ABCA12: variants seen among roughly 807,000 people sequenced by gnomAD.
ABCA12 encodes the protein ATP binding cassette subfamily A member 12.
A neutral mutation model predicts 293.5 loss-of-function variants in ABCA12; 156 were observed. That is an observed-to-expected ratio of 0.53 (90% CI 0.47 to 0.61). The LOEUF (loss-of-function observed/expected upper bound fraction) is 0.61. Ranked by LOEUF, ABCA12 falls within the 20% of genes least tolerant of loss-of-function variation. The pLI is 0.00. For synonymous variants in ABCA12, 1,063 were observed against 1,108.0 expected (o/e 0.96, Z 0.81); for missense variants, 2,797 against 3,090.2 (o/e 0.91, Z 2.25).
chr2:215,043,161 T>G (rs773401649), intron 7 of ABCA12, among the ~76,000 whole-genome samples: 1 of 152,202 alleles, frequency 6.6e-6, no homozygotes, highest in Non-Finnish European at 1.5e-5. Context: ...ATTTCCCTGA[T>G]GATGAGTGAT....
chr2:215,103,943 C>T (rs2970961), intron 2 of ABCA12, among the ~76,000 whole-genome samples: 2,478 of 151,846 alleles, frequency 0.016, 72 homozygotes, highest in African/African-American at 0.057. Flanking sequence ...GCCGAGATTG[C>T]GCTACTGCAC....
chr2:214,956,847 C>A lies in ABCA12; in HGVS notation c.6118-69G>T, dbSNP rs2105935201. On this transcript the variant is annotated intron_variant, in intron 41 of 52. Transcript: ENST00000272895. ...TTTCAAAAAAAAAAAAATCAATAAC[C>A]CATCTAGTTTAAAACTGCAACAAGT... is the stretch of plus-strand genomic sequence containing the variant. 5.4e-6 allele frequency: 6 copies of A among 1,107,480 alleles called. No homozygotes were observed. In the East Asian group the frequency reaches 1.2e-4, roughly 22 times the overall value. 68.6% of individuals were successfully genotyped at this position (1,107,480 alleles called of 1,614,324 possible).
intron 11 of ABCA12, among the ~76,000 whole-genome samples, chr2:215,025,124 AATT>A (rs1362456311): frequency 6.6e-6 from 1 of 152,110 alleles, no homozygotes; most frequent in African/African-American, 2.4e-5. Flanking sequence ...TCAAATTAGA[AATT>A]ATTATTACGA....
intron 33 of ABCA12, among the ~76,000 whole-genome samples, chr2:214,976,925 A>G (rs10195034): frequency 1 from 152,207 of 152,344 alleles, 76,035 homozygotes; most frequent in Non-Finnish European, 1. Context: ...TAGGTGATAA[A>G]ATGATGGTAT....
rs1347398157 is a variant in ABCA12 at position 214,957,856 on chromosome 2, A to C, written c.6117+421T>G. 5.3e-5 allele frequency among the ~76,000 whole-genome samples: 8 copies of C among 152,230 alleles called. No homozygotes were observed. In the East Asian group the frequency reaches 1.5e-3, roughly 29 times the overall value. ...TCCACTATTAGTTGATTAAATTTTT[A>C]TAAGCTTGATTGTTTGGCACAATTA... On this transcript the variant is annotated intron_variant, in intron 41 of 52. Coordinates refer to ENST00000272895, the MANE Select transcript of ABCA12 (RefSeq NM_173076.3).
At chr2:215,002,596 C>T (rs1176278316) in intron 20 of ABCA12, among the ~76,000 whole-genome samples, 1 of 152,126 alleles carries the variant, frequency 6.6e-6, no homozygotes, top group Non-Finnish European at 1.5e-5. Flanking sequence ...CTAAATTTCT[C>T]ACAGAAGACA....
chr2:215,013,379 A>G (rs569468420), intron 15 of ABCA12, among the ~76,000 whole-genome samples: 1 of 152,338 alleles, frequency 6.6e-6, no homozygotes, highest in Non-Finnish European at 1.5e-5. Flanking sequence ...ATTTCTAAGG[A>G]AGTCAAAGAC....
chr2:215,010,822 C>T (rs1344774544), intron 17 of ABCA12, among the ~76,000 whole-genome samples: 3 of 152,070 alleles, frequency 2.0e-5, no homozygotes, highest in African/African-American at 7.2e-5. Flanking sequence ...GTACCAGATA[C>T]ATAAGAGCTG....
At chr2:215,046,478 A>T (rs914591115) in intron 6 of ABCA12, among the ~76,000 whole-genome samples, 7 of 147,544 alleles carry the variant, frequency 4.7e-5, no homozygotes, top group Non-Finnish European at 9.0e-5. Context: ...TATATATATA[A>T]AATATAATAT....
At chr2:215,075,141 C>T (rs1701810570) in intron 2 of ABCA12, among the ~76,000 whole-genome samples, 2 of 151,918 alleles carry the variant, frequency 1.3e-5, no homozygotes, top group South Asian at 4.2e-4. Context: ...GTGGCTAATC[C>T]TTAGCAGAAG....
intron 2 of ABCA12, among the ~76,000 whole-genome samples, chr2:215,065,160 T>A (rs750815752): frequency 4.0e-5 from 6 of 151,754 alleles, no homozygotes; most frequent in Non-Finnish European, 5.9e-5. Flanking sequence ...GAAATACACA[T>A]CTTTTCACAA....
chr2:215,100,014 CTCTT>C (rs1285820243), intron 2 of ABCA12, among the ~76,000 whole-genome samples: 1 of 115,852 alleles, frequency 8.6e-6, no homozygotes. Flanking sequence ...CTCTCTCTCT[CTCTT>C]TTTTTTTTTT....
chr2:215,116,749 C>T (rs551223685), intron 1 of ABCA12, among the ~76,000 whole-genome samples: 13 of 151,868 alleles, frequency 8.6e-5, no homozygotes, highest in South Asian at 4.2e-4. Context: ...TGTGATGAAA[C>T]GGAAAAAAGC....
intron 4 of ABCA12, among the ~76,000 whole-genome samples, chr2:215,053,212 G>A (rs1438651623): frequency 1.3e-5 from 2 of 152,040 alleles, no homozygotes; most frequent in African/African-American, 2.4e-5. Flanking sequence ...TCTGGGTTTG[G>A]AGCATTAGCT....
chr2:214,966,797 A>T lies in ABCA12; in HGVS notation c.5884+51T>A, dbSNP rs759649685. On this transcript the variant is annotated intron_variant, in intron 39 of 52. Coordinates refer to ENST00000272895, the MANE Select transcript of ABCA12 (RefSeq NM_173076.3). ...CAGGATATAAAGTGCATTTTTATAC[A>T]AAGAGTAACAGAAGTTGCAATACAG... 1.9e-6 allele frequency: 3 copies of T among 1,550,152 alleles called. No individual in the cohort carries two copies. In the South Asian group the frequency reaches 3.3e-5, roughly 17 times the overall value.
intron 2 of ABCA12, among the ~76,000 whole-genome samples, chr2:215,081,849 CAATT>C (rs1701948965): frequency 6.6e-6 from 1 of 152,028 alleles, no homozygotes; most frequent in Admixed American, 6.6e-5. Context: ...CCCTATAAAA[CAATT>C]AAGAGGATCT....
At chr2:215,083,755 A>G (rs1701988047) in intron 2 of ABCA12, among the ~76,000 whole-genome samples, 1 of 152,156 alleles carries the variant, frequency 6.6e-6, no homozygotes, top group African/African-American at 2.4e-5. Context: ...TGACATAACA[A>G]GCAGCTTTAT....
chr2:214,977,261 A>G (rs1196215768), intron 33 of ABCA12, among the ~76,000 whole-genome samples: 1 of 152,238 alleles, frequency 6.6e-6, no homozygotes, highest in African/African-American at 2.4e-5. Context: ...GAATAGTTTC[A>G]AATTATAAGA....
At chr2:215,135,066 G>A (rs529868995) in intron 1 of ABCA12, among the ~76,000 whole-genome samples, 4 of 152,006 alleles carry the variant, frequency 2.6e-5, no homozygotes, top group African/African-American at 9.6e-5. Flanking sequence ...AGGTTCAAGC[G>A]ATTTTCCTGC....
Sources: allele counts gnomAD v4.1 joint callset (sites outside exome capture counted in the v4.1 genomes callset), GRCh38; gene constraint gnomAD v4.1.1; transcripts MANE v1.5; gene names NCBI Gene and HGNC (gene_info 2026-07-23, HGNC 2026-07-21).